The following NFIB variants were observed in gnomAD, a reference collection of about 807,000 sequenced individuals.
The protein encoded by NFIB is nuclear factor I B, also known as nuclear factor 1 B-type.
A neutral mutation model predicts 61.5 loss-of-function variants in NFIB; 11 were observed. The observed-to-expected ratio is 0.18, with a 90% CI of 0.11 to 0.30. The LOEUF (loss-of-function observed/expected upper bound fraction) is 0.30. NFIB is among the 10% of genes least tolerant of loss of function. The pLI, the probability that NFIB is intolerant of heterozygous loss-of-function variation, is 1.00. For synonymous variants in NFIB, 260 were observed against 216.5 expected, an observed-to-expected ratio of 1.20 and a Z score of -1.76; for missense variants, 471 against 608.9, an observed-to-expected ratio of 0.77 and a Z score of 2.38.
the NFIB span, among the ~76,000 whole-genome samples, chr9:14,498,684 G>C: frequency 6.6e-6 from 1 of 152,084 alleles, no homozygotes; most frequent in African/African-American, 2.4e-5. Flanking sequence ...TTCCTGGTTA[G>C]GGGAGAAATA....
chr9:14,528,364 A>G, the NFIB span, among the ~76,000 whole-genome samples: 1 of 152,308 alleles, frequency 6.6e-6, no homozygotes, highest in East Asian at 1.9e-4. Context: ...CTCAAAAAGT[A>G]AAAATGATTT....
chr9:14,149,239 A>G (rs958628796), intron 5 of NFIB, among the ~76,000 whole-genome samples: 1 of 152,202 alleles, frequency 6.6e-6, no homozygotes, highest in African/African-American at 2.4e-5. Flanking sequence ...GTTTATAAAC[A>G]TACACATGCC....
chr9:14,135,266 A>G (rs2040911364), intron 6 of NFIB, among the ~76,000 whole-genome samples: 1 of 152,216 alleles, frequency 6.6e-6, no homozygotes, highest in Admixed American at 6.5e-5. Context: ...AATACTATAA[A>G]TAATTCCCAA....
intron 7 of NFIB, among the ~76,000 whole-genome samples, chr9:14,121,669 T>C (rs1388665700): frequency 1.3e-5 from 2 of 152,210 alleles, no homozygotes; most frequent in Non-Finnish European, 2.9e-5. Flanking sequence ...TTAAAAGATA[T>C]TGTTAATATA....
At chr9:14,315,646 C>A (rs1432129221), upstream of NFIB, among the ~76,000 whole-genome samples, 2 of 148,972 alleles carry the variant, frequency 1.3e-5, no homozygotes, top group Admixed American at 1.3e-4. Context: ...GCTGCCCCGC[C>A]CCCACCCCGT....
chr9:14,370,701 T>G (rs549755927), intron 1 of NFIB, among the ~76,000 whole-genome samples: 2 of 152,350 alleles, frequency 1.3e-5, no homozygotes, highest in South Asian at 4.1e-4. Flanking sequence ...TGAGGTTCCT[T>G]CAGACTTGGA....
chr9:14,336,280 A>G (rs1319538296), intron 1 of NFIB, among the ~76,000 whole-genome samples: 3 of 152,242 alleles, frequency 2.0e-5, no homozygotes, highest in African/African-American at 7.2e-5. Flanking sequence ...TGGGCCTAAA[A>G]GTCATTTTTA....
chr9:14,325,810 A>C (rs2060745459), intron 1 of NFIB, among the ~76,000 whole-genome samples: 1 of 152,136 alleles, frequency 6.6e-6, no homozygotes, highest in Non-Finnish European at 1.5e-5. Flanking sequence ...CTTTTAAAAC[A>C]ATTGGATATT....
chr9:14,185,909 T>A (rs2131502979), intron 2 of NFIB, among the ~76,000 whole-genome samples: 1 of 152,314 alleles, frequency 6.6e-6, no homozygotes, highest in East Asian at 1.9e-4. Flanking sequence ...TTTTTGTCCA[T>A]CTCCTATAAA....
chr9:14,327,452 G>A (rs2060768835), intron 1 of NFIB, among the ~76,000 whole-genome samples: 1 of 152,188 alleles, frequency 6.6e-6, no homozygotes, highest in Non-Finnish European at 1.5e-5. Context: ...AGGGAGTAGA[G>A]GAGGAATTCA....
chr9:14,413,778 C>G, the NFIB span, among the ~76,000 whole-genome samples: 4 of 152,118 alleles, frequency 2.6e-5, no homozygotes, highest in Admixed American at 2.6e-4. Flanking sequence ...ACAGCATGAC[C>G]TAAGACAGCC....
the NFIB span, among the ~76,000 whole-genome samples, chr9:14,526,786 C>T: frequency 1.3e-5 from 2 of 152,156 alleles, no homozygotes; most frequent in African/African-American, 4.8e-5. Context: ...TCTTTGTTGA[C>T]TAGTCTCTAA....
chr9:14,156,585 G>A (rs938955819), intron 3 of NFIB, among the ~76,000 whole-genome samples: 4 of 152,122 alleles, frequency 2.6e-5, no homozygotes, highest in African/African-American at 9.7e-5. Flanking sequence ...CAGGCCTCTG[G>A]GAATGCCACA....
chr9:14,264,454 G>T (rs1403517546), intron 2 of NFIB, among the ~76,000 whole-genome samples: 2 of 152,130 alleles, frequency 1.3e-5, no homozygotes, highest in African/African-American at 4.8e-5. Flanking sequence ...TATAAAAATA[G>T]AAACCAAAGG....
At chr9:14,316,346 G>C (rs1449131687), upstream of NFIB, among the ~76,000 whole-genome samples, 1 of 152,228 alleles carries the variant, frequency 6.6e-6, no homozygotes, top group East Asian at 1.9e-4. Flanking sequence ...AAGGCGCTGG[G>C]GGGTGGGGAG....
intron 3 of NFIB, among the ~76,000 whole-genome samples, chr9:14,177,305 AG>A (rs2046296886): frequency 6.6e-6 from 1 of 152,222 alleles, no homozygotes; most frequent in Non-Finnish European, 1.5e-5. Context: ...AGCTTTTAAT[AG>A]AAAGTATAAT....
chr9:14,321,885 G>C (rs1259064916), intron 1 of NFIB: 17 of 1,231,148 alleles, frequency 1.4e-5, no homozygotes, highest in Non-Finnish European at 1.6e-5. Context: ...GATAGGAGGG[G>C]GTGCAAAGAA....
the NFIB span, among the ~76,000 whole-genome samples, chr9:14,408,190 GA>G: frequency 1.1e-4 from 16 of 152,126 alleles, no homozygotes; most frequent in Non-Finnish European, 2.1e-4. Flanking sequence ...CCAATAACAT[GA>G]GCCACGGGAG....
rs71321975 is a variant in NFIB at position 14,274,251 on chromosome 9, TACACAC to T, written c.562+32732_562+32737del. 6.3e-3 allele frequency among the ~76,000 whole-genome samples: 783 copies of T among 124,018 alleles called. 4 individuals are homozygous for T. The highest frequency in any genetic ancestry group is 0.02 in the African/African-American group (632 of 31,672). The allele number at this position is 124,018 out of a possible 152,430, so 81.4% of individuals were successfully genotyped here. A position where few individuals can be genotyped will look rare whatever the true frequency, so the allele number is the denominator to read the frequency against. ...TTCTCTCTCTAGCATTCTTCCTCCC[TACACAC>T]ACACACACACACACACACACACACA... On this transcript the variant is annotated intron_variant, in intron 2 of 10. Transcript: ENST00000380953.
Sources: allele counts gnomAD v4.1 joint callset (sites outside exome capture counted in the v4.1 genomes callset), GRCh38; gene constraint gnomAD v4.1.1; transcripts MANE v1.5; gene names NCBI Gene and HGNC (gene_info 2026-07-23, HGNC 2026-07-21).